FANK1: variants seen among roughly 807,000 people sequenced by gnomAD.
FANK1 encodes fibronectin type III and ankyrin repeat domains 1.
FANK1 carries 44 observed loss-of-function variants against 45.3 expected under a neutral mutation model. The observed-to-expected ratio is 0.97, with a 90% confidence interval of 0.76 to 1.25. The LOEUF is 1.25. FANK1 is among the 50% of genes most tolerant of loss of function. The pLI, the probability that FANK1 is intolerant of heterozygous loss-of-function variation, is 0.00. For synonymous variants in FANK1, 149 were observed against 152.5 expected, an observed-to-expected ratio of 0.98 and a Z score of 0.17; for missense variants, 391 against 424.4, an observed-to-expected ratio of 0.92 and a Z score of 0.69.
Position 125,987,405 on chromosome 10 carries a change from GAA to G in FANK1, c.192-1141_192-1140del, listed in dbSNP as rs748824356. Among the ~76,000 whole-genome samples, 30 of 148,696 alleles carry G rather than the reference GAA, an allele frequency of 2.0e-4. 1 individual carries two copies. On this transcript the variant is annotated intron_variant, in intron 2 of 10. Transcript: ENST00000368693. Reference sequence around the variant, plus strand: ...GAATAAAAGTAAAAACTAGAGACAGGAAAAAACAAAAGGAGGAAACAATGGTA... The same window carrying G: ...GAATAAAAGTAAAAACTAGAGACAGGAAAACAAAAGGAGGAAACAATGGTA...
chr10:126,008,673 G>C, intron 8 of FANK1, 123 bp downstream of exon 8: 2 of 1,139,142 alleles, frequency 1.8e-6, no homozygotes, highest in East Asian at 4.9e-5. Flanking sequence ...CTGTGTGTGT[G>C]TGTTCCCTGT....
chr10:126,009,436 T>A lies in FANK1; in HGVS notation c.1036T>A (p.Ter346ArgextTer1). ...GAGGCCAAAGAAGTCTTGTGTCTGC[T>A]GATGAGAGCACCACTCATCTGCGAA... is the stretch of plus-strand genomic sequence containing the variant. The part of the protein sequence containing the change: ...KQRPKKSCVC[*>R] Residue 346 changes from the stop codon to arginine, a stop_lost, in exon 11 of 11, where the codon TGA becomes AGA. Transcript: ENST00000368693. 6.2e-7 allele frequency: 1 copy of A among 1,614,134 alleles called. No homozygotes were observed. Among genetic ancestry groups the A allele is most frequent in the Non-Finnish European group, 8.5e-7 (1 of 1,180,002 alleles).
intron 1 of FANK1, among the ~76,000 whole-genome samples, chr10:125,968,505 C>G (rs1259666273): frequency 2.0e-5 from 3 of 152,030 alleles, no homozygotes; most frequent in Non-Finnish European, 4.4e-5. Context: ...TTAAGGTGTT[C>G]TGTTTTTATA....
chr10:125,996,380 T>A lies in FANK1; in HGVS notation c.399-170T>A, dbSNP rs73372503. 7.4e-3 allele frequency among the ~76,000 whole-genome samples: 1,130 copies of A among 152,348 alleles called. 14 individuals are homozygous for A. Among genetic ancestry groups the A allele is most frequent in the African/African-American group, 0.023 (969 of 41,586 alleles). ...CTCATAGAATATTAGGTATATAGTT[T>A]AGAAGATTCTTAGCAGTCTAAGACA... On this transcript the variant is annotated intron_variant, in intron 4 of 10. Coordinates refer to ENST00000368693, the MANE Select transcript of FANK1 (RefSeq NM_145235.5).
intron 1 of FANK1, among the ~76,000 whole-genome samples, chr10:125,904,520 G>A (rs908726281): frequency 1.3e-5 from 2 of 151,530 alleles, no homozygotes; most frequent in Non-Finnish European, 2.9e-5. Flanking sequence ...TCAAGTTCCA[G>A]TGATCCTCCC....
rs761467736 is a variant in FANK1, at chr10:125,995,420, A to G, written c.320A>G (p.Glu107Gly). 6.2e-7 allele frequency: 1 copy of G among 1,614,056 alleles called. No individual in the cohort carries two copies. Among genetic ancestry groups the G allele is most frequent in the Admixed American group, 1.7e-5 (1 of 60,012 alleles). ...GCCTTCCATCTCATTTCTCCAGGAG[A>G]GCCCATAAGTAGTGAGCACTTGCAC... is the stretch of plus-strand genomic sequence containing the variant. The part of the protein sequence containing the change: ...SPLVSVSTTR[E>G]PISSEHLHRA... Residue 107 changes from glutamate to glycine, a missense_variant, in exon 4 of 11, where the codon GAG becomes GGG. Transcript: ENST00000368693.
chr10:125,911,028 C>A (rs78477599), intron 1 of FANK1, among the ~76,000 whole-genome samples: 3 of 130,128 alleles, frequency 2.3e-5, no homozygotes, highest in Non-Finnish European at 5.1e-5. Flanking sequence ...AGTGAGACTC[C>A]GTCTTTCCAA....
intron 1 of FANK1, among the ~76,000 whole-genome samples, chr10:125,965,905 C>T (rs1950178930): frequency 6.6e-6 from 1 of 152,204 alleles, no homozygotes; most frequent in Non-Finnish European, 1.5e-5. Context: ...AAGGCATTAT[C>T]ACTACCTTAT....
chr10:126,008,730 G>A (rs188928226), intron 8 of FANK1, among the ~76,000 whole-genome samples, 180 bp downstream of exon 8: 80 of 152,272 alleles, frequency 5.3e-4, no homozygotes, highest in Non-Finnish European at 8.2e-4. Context: ...TACTTTCGTT[G>A]TCTTTTTACA....
At chr10:126,001,530 G>A (rs1296407024) in intron 6 of FANK1, among the ~76,000 whole-genome samples, 1 of 152,156 alleles carries the variant, frequency 6.6e-6, no homozygotes, top group Admixed American at 6.5e-5. Flanking sequence ...GGGCACAGTG[G>A]GATGCCCTGC....
chr10:125,948,570 T>C (rs949136419), intron 1 of FANK1, among the ~76,000 whole-genome samples: 3 of 152,258 alleles, frequency 2.0e-5, no homozygotes, highest in African/African-American at 7.2e-5. Context: ...CAGGAAGAAG[T>C]TGAATCTCTG....
intron 1 of FANK1, among the ~76,000 whole-genome samples, chr10:125,901,425 T>C (rs1218658383): frequency 6.6e-6 from 1 of 151,300 alleles, no homozygotes; most frequent in African/African-American, 2.4e-5. Flanking sequence ...CACTGCTACC[T>C]GGAAGCTGGA....
chr10:125,996,953 C>T (rs1223379724), intron 5 of FANK1, among the ~76,000 whole-genome samples: 1 of 151,214 alleles, frequency 6.6e-6, no homozygotes. Context: ...TTCTGGAAAA[C>T]TTTCTGCTAG....
At chr10:125,986,379 A>G (rs1365455828) in intron 2 of FANK1, among the ~76,000 whole-genome samples, 1 of 152,200 alleles carries the variant, frequency 6.6e-6, no homozygotes, top group African/African-American at 2.4e-5. Context: ...GTTTGATTTT[A>G]CCTTGAAATT....
In FANK1 at chr10:125,996,614, G is replaced by T. The variant is rs766548653; in HGVS notation, c.463G>T (p.Gly155Ter). 252 of 1,613,934 alleles carry T rather than the reference G, an allele frequency of 1.6e-4. No individual in the cohort carries two copies. Among genetic ancestry groups the T allele is most frequent in the Non-Finnish European group, 2.0e-4 (241 of 1,179,974 alleles). The part of the protein sequence containing the change: ...FTALMVAAQK[G>*]YTRLVKILVS... The stretch of plus-strand genomic sequence containing the variant: ...CGCTCTGATGGTTGCTGCCCAGAAA[G>T]GATACACCAGGTATGGCTCTTCTTT... Residue 155 changes from glycine (G) to a stop codon, truncating the protein, a stop_gained, in exon 5 of 11, where the codon GGA (glycine) becomes TGA (stop). Transcript: ENST00000368693. LOFTEE classifies it high-confidence loss of function.
intron 6 of FANK1, among the ~76,000 whole-genome samples, chr10:125,999,232 CTCTG>C (rs1375066500): frequency 1.4e-5 from 2 of 141,802 alleles, no homozygotes; most frequent in African/African-American, 5.3e-5. Flanking sequence ...CGGAATCTCA[CTCTG>C]TCCTCCAGAT....
intron 1 of FANK1, among the ~76,000 whole-genome samples, chr10:125,951,379 CTG>C (rs1949218214): frequency 6.6e-6 from 1 of 152,028 alleles, no homozygotes; most frequent in African/African-American, 2.4e-5. Context: ...GCTTGATTCT[CTG>C]TAAATAGGAA....
intron 1 of FANK1, among the ~76,000 whole-genome samples, chr10:125,962,804 C>T (rs2134181261): frequency 6.6e-6 from 1 of 152,010 alleles, no homozygotes; most frequent in East Asian, 1.9e-4. Flanking sequence ...CGTTTCCTTG[C>T]ATATTGGTGA....
At chr10:125,984,535 G>A (rs1019935400) in intron 2 of FANK1, among the ~76,000 whole-genome samples, 1 of 152,146 alleles carries the variant, frequency 6.6e-6, no homozygotes, top group Non-Finnish European at 1.5e-5. Context: ...GGGTGGAGTA[G>A]ATGCTCAGTT....
Sources: allele counts gnomAD v4.1 joint callset (sites outside exome capture counted in the v4.1 genomes callset), GRCh38; gene constraint gnomAD v4.1.1; transcripts MANE v1.5; gene names NCBI Gene and HGNC (gene_info 2026-07-23, HGNC 2026-07-21).